ZNF444: variants seen among roughly 807,000 people sequenced by gnomAD.
The protein encoded by ZNF444 is zinc finger protein 444.
ZNF444 carries 8 observed loss-of-function variants against 14.4 expected under a neutral mutation model. That is an observed-to-expected ratio of 0.56 (90% confidence interval 0.33 to 1.00). ZNF444 has a LOEUF of 1.00. ZNF444 is among the 50% of genes least tolerant of loss of function. ZNF444 has a pLI of 0.03. For synonymous variants in ZNF444, 258 were observed against 235.9 expected (o/e 1.09, Z -0.86); for missense variants, 510 against 504.8 (o/e 1.01, Z -0.10).
chr19:56,158,653 G>A (rs747289442), intron 4 of ZNF444, 51 bp downstream of exon 4: 1 of 1,487,390 alleles, frequency 6.7e-7, no homozygotes. Context: ...GCACCGGGGA[G>A]GGGGTTCAGT....
intron 1 of ZNF444, among the ~76,000 whole-genome samples, chr19:56,135,287 G>A (rs1254981136): frequency 6.6e-6 from 1 of 152,128 alleles, no homozygotes; most frequent in East Asian, 1.9e-4. Context: ...CAAGTGCAGG[G>A]CAGCCTGCAA....
At chr19:56,142,659 C>G (rs939703176) in intron 1 of ZNF444, among the ~76,000 whole-genome samples, 10 of 152,196 alleles carry the variant, frequency 6.6e-5, no homozygotes, top group Non-Finnish European at 1.2e-4. Flanking sequence ...CTGCTTCTAA[C>G]TCCTGCTCCC....
upstream of ZNF444, among the ~76,000 whole-genome samples, chr19:56,140,281 T>C (rs1359416534): frequency 6.6e-6 from 1 of 151,538 alleles, no homozygotes; most frequent in Non-Finnish European, 1.5e-5. Flanking sequence ...CGCTGCGGGC[T>C]GGGGTAGGGC....
upstream of ZNF444, among the ~76,000 whole-genome samples, chr19:56,136,779 C>A (rs2030621300): frequency 6.6e-6 from 1 of 151,986 alleles, no homozygotes; most frequent in African/African-American, 2.4e-5. Context: ...CGAGAATCTG[C>A]ATTTCTTTTT....
At chr19:56,139,249 G>A (rs2030683228), upstream of ZNF444, among the ~76,000 whole-genome samples, 2 of 152,174 alleles carry the variant, frequency 1.3e-5, no homozygotes, top group South Asian at 2.1e-4. Context: ...AGAGGCGAGA[G>A]TGGAAGCATG....
intron 3 of ZNF444, chr19:56,155,481 C>T (rs2031851867): frequency 6.6e-6 from 1 of 152,284 alleles, no homozygotes; most frequent in Non-Finnish European, 1.5e-5. Context: ...TGGCCCAGGG[C>T]CCCAGGTGAG....
In ZNF444 at chr19:56,159,851, T is replaced by C; in HGVS notation, c.634T>C (p.Cys212Arg). The change falls in exon 5 of 5, where the codon TGC (cysteine) becomes CGC (arginine). Residue 212 changes from cysteine (C) to arginine (R), a missense_variant. By Grantham distance (180) the Cys-to-Arg change is radical. Transcript: ENST00000337080. ...CGAGAAGCCGCACGCCTGCCCTGAG[T>C]GCGGGAAGGCCTTTCGGCGCAAGGA... Reference protein sequence around the residue: ...SGEKPHACPECGKAFRRKEHL... With the variant: ...SGEKPHACPERGKAFRRKEHL... 2 of 1,552,454 alleles carry C rather than the reference T, an allele frequency of 1.3e-6. No individual in the cohort carries two copies. The highest frequency in any genetic ancestry group is 1.7e-6 in the Non-Finnish European group (2 of 1,155,450).
intron 1 of ZNF444, chr19:56,142,528 G>A (rs2030895897): frequency 6.6e-6 from 1 of 152,212 alleles, no homozygotes. Context: ...AAGAGGCAGA[G>A]ATGCTGGTAG....
chr19:56,140,872 C>T (rs1304347377), upstream of ZNF444: 1 of 152,140 alleles, frequency 6.6e-6, no homozygotes, highest in Non-Finnish European at 1.5e-5. Flanking sequence ...GCCATGGCTC[C>T]TCCTCCTCCT....
At chr19:56,138,300 T>C (rs188538133), upstream of ZNF444, among the ~76,000 whole-genome samples, 11 of 152,134 alleles carry the variant, frequency 7.2e-5, no homozygotes, top group Admixed American at 7.2e-4. Context: ...TACGGTATGA[T>C]TCCACTTACA....
upstream of ZNF444, among the ~76,000 whole-genome samples, chr19:56,140,603 G>A (rs754422274): frequency 6.6e-6 from 1 of 152,110 alleles, no homozygotes; most frequent in Non-Finnish European, 1.5e-5. Context: ...TGCCCACCCC[G>A]GAACAGGAGG....
In ZNF444 at chr19:56,145,228, A is replaced by G. The variant is rs935548800; in HGVS notation, c.-196-1019A>G. On this transcript the variant is annotated intron_variant, in intron 1 of 4. Transcript: ENST00000337080. This position sits in a 1 kb window ranked among gnomAD's most constrained non-coding sequence, Gnocchi z 4.3. The stretch of plus-strand genomic sequence containing the variant: ...GCTTTTATTGATGGGAGTCATATCT[A>G]TTGTTACGTATCATAGTAGAAACCA... Among the ~76,000 whole-genome samples the G allele has an allele frequency of 6.6e-6, 1 of 152,250 alleles. No homozygotes were observed.
At chr19:56,140,653 C>T (rs1452326437), upstream of ZNF444, among the ~76,000 whole-genome samples, 3 of 152,266 alleles carry the variant, frequency 2.0e-5, no homozygotes, top group East Asian at 5.8e-4. Flanking sequence ...CCGACATCGG[C>T]CCTTAAGTTC....
chr19:56,150,585 T>G (rs538173970), intron 3 of ZNF444: 1 of 438,462 alleles, frequency 2.3e-6, no homozygotes, highest in African/African-American at 2.0e-5. Flanking sequence ...GACCTCTCTC[T>G]CTGGCACATG....
intron 4 of ZNF444, 21 bp downstream of exon 4, chr19:56,158,623 G>C: frequency 6.3e-7 from 1 of 1,583,294 alleles, no homozygotes; most frequent in Non-Finnish European, 8.6e-7. Flanking sequence ...GGCCTCTCTG[G>C]TTCTCCCCGC....
chr19:56,138,362 C>T (rs1366617823), upstream of ZNF444, among the ~76,000 whole-genome samples: 1 of 151,944 alleles, frequency 6.6e-6, no homozygotes, highest in South Asian at 2.1e-4. Flanking sequence ...CATGGTGGCT[C>T]ACACCTGTAA....
upstream of ZNF444, among the ~76,000 whole-genome samples, chr19:56,139,350 G>C (rs574674251): frequency 5.9e-5 from 9 of 152,148 alleles, no homozygotes; most frequent in East Asian, 1.7e-3. Context: ...TTTGAAGACA[G>C]AGCCAATAGG....
chr19:56,159,846 C>A lies in ZNF444; in HGVS notation c.629C>A (p.Pro210His). 6.4e-7 allele frequency: 1 copy of A among 1,557,118 alleles called. No homozygotes were observed. Among genetic ancestry groups the A allele is most frequent in the Non-Finnish European group, 8.6e-7 (1 of 1,157,676 alleles). ...TCGGGCGAGAAGCCGCACGCCTGCCCTGAGTGCGGGAAGGCCTTTCGGCGC... is the reference window on the plus strand; with the variant it reads ...TCGGGCGAGAAGCCGCACGCCTGCCATGAGTGCGGGAAGGCCTTTCGGCGC... ...SHSGEKPHAC[P>H]ECGKAFRRKE... The change falls in exon 5 of 5, where the codon CCT becomes CAT. Residue 210 changes from proline (P) to histidine (H), a missense_variant. Pro to His is a moderately conservative substitution (Grantham distance 77). Coordinates refer to ENST00000337080, the MANE Select transcript of ZNF444 (RefSeq NM_018337.4).
At chr19:56,151,688 G>A in intron 3 of ZNF444, 1 of 438,090 alleles carries the variant, frequency 2.3e-6, no homozygotes, top group South Asian at 1.6e-5. Flanking sequence ...GCGCTGCTGT[G>A]CATTGGGGTT....
Sources: gnomAD v4.1 joint callset for allele counts (sites outside exome capture counted in the v4.1 genomes callset) on GRCh38, gnomAD v4.1.1 for gene constraint, Gnocchi (gnomAD v3.1) non-coding constraint, MANE v1.5 for transcripts, NCBI Gene and HGNC (gene_info 2026-07-23, HGNC 2026-07-21) for gene names.